The following TOMM22 variants were observed in gnomAD, a reference collection of about 807,000 sequenced individuals.
The protein encoded by TOMM22 is translocase of outer mitochondrial membrane 22.
A neutral mutation model predicts 17.1 loss-of-function variants in TOMM22; 3 were observed. The ratio of observed to expected loss-of-function variants is 0.18; its 90% CI spans 0.08 to 0.45. TOMM22 has a LOEUF of 0.45. Among genes scored for constraint, TOMM22 ranks in the 20% least tolerant of loss-of-function variants. TOMM22 has a pLI of 0.99. For missense variants in TOMM22, 159 were observed against 179.5 expected (o/e 0.89, Z 0.65); for synonymous variants, 91 against 74.0 (o/e 1.23, Z -1.18).
At chr22:38,682,237 G>A in intron 1 of TOMM22, 86 bp from the exon 2 acceptor site, 1 of 1,532,502 alleles carries the variant, frequency 6.5e-7, no homozygotes. Context: ...CCTAGCTCCA[G>A]TGGGGCTCGG....
At chr22:38,683,204 T>C (rs1276950187) in intron 3 of TOMM22, among the ~76,000 whole-genome samples, 2 of 151,912 alleles carry the variant, frequency 1.3e-5, no homozygotes, top group Non-Finnish European at 2.9e-5. Context: ...TTTCTATTAT[T>C]ACATTGTAAT....
chr22:38,682,309 C>T lies in TOMM22; in HGVS notation c.118-14C>T. 6.2e-7 allele frequency: 1 copy of T among 1,611,526 alleles called. No homozygotes were observed. Among genetic ancestry groups the T allele is most frequent in the Non-Finnish European group, 8.5e-7 (1 of 1,177,804 alleles). On this transcript the variant is annotated splice_polypyrimidine_tract_variant and intron_variant, in intron 1 of 3. Transcript: ENST00000216034. ...TCGCTTTTTCGGCTAAGACCCGCGT[C>T]TACTCCACCACAGCTAGATGAGACC...
chr22:38,684,498 A>C lies in TOMM22; in HGVS notation c.*657A>C, dbSNP rs961635849. On this transcript the variant is annotated 3_prime_UTR_variant, in exon 4 of 4. Coordinates refer to ENST00000216034, the MANE Select transcript of TOMM22 (RefSeq NM_020243.5). ...TGATTCCAACTGAAAGTGTCATCCT[A>C]AGTACCTTGAAATGAGACCACGTCA... is the stretch of plus-strand genomic sequence containing the variant. The C allele has an allele frequency of 6.6e-6, 1 of 152,164 alleles. No individual in the cohort carries two copies. Among genetic ancestry groups the C allele is most frequent in the Non-Finnish European group, 1.5e-5 (1 of 68,064 alleles). 9.4% of individuals were successfully genotyped at this position (152,164 alleles called of 1,614,324 possible).
At position 38,684,463 on chromosome 22, in the gene TOMM22, A is replaced by G. The variant is rs2092489938; in HGVS notation, c.*622A>G. 1 of 152,158 alleles carries G rather than the reference A, an allele frequency of 6.6e-6. No individual in the cohort carries two copies. The highest frequency in any genetic ancestry group is 2.4e-5 in the African/African-American group (1 of 41,400). 9.4% of individuals were successfully genotyped at this position (152,158 alleles called of 1,614,324 possible). ...GTCAGTGCTCACTTTTTGTATTTAA[A>G]TATTAAAAATGATTCCAACTGAAAG... On this transcript the variant is annotated 3_prime_UTR_variant, in exon 4 of 4. Coordinates refer to ENST00000216034, the MANE Select transcript of TOMM22 (RefSeq NM_020243.5).
Position 38,683,026 on chromosome 22 carries a change from T to C in TOMM22, c.354+30T>C, listed in dbSNP as rs779434642. The C allele has an allele frequency of 1.6e-5, 25 of 1,592,676 alleles. No individual in the cohort carries two copies. In the Admixed American group the frequency reaches 3.4e-4, roughly 22 times the overall value. Reference sequence around the variant, plus strand: ...GCCCAGACCTTGGGCTTTTTGCCAGTGGTGGAGACGCAAGTTATTTCACTA... The same window carrying C: ...GCCCAGACCTTGGGCTTTTTGCCAGCGGTGGAGACGCAAGTTATTTCACTA... On this transcript the variant is annotated intron_variant, in intron 3 of 3. Coordinates refer to ENST00000216034, the MANE Select transcript of TOMM22 (RefSeq NM_020243.5).
chr22:38,684,061 C>G lies in TOMM22; in HGVS notation c.*220C>G. 1 of 517,134 alleles carries G rather than the reference C, an allele frequency of 1.9e-6. No individual in the cohort carries two copies. The highest frequency in any genetic ancestry group is 3.5e-6 in the Non-Finnish European group (1 of 285,428). 32.0% of individuals were successfully genotyped at this position (517,134 alleles called of 1,614,324 possible). ...CTGTCTCCACTCTGATACCAGAGTG[C>G]AGCCATGCAGATGGTTATTCCAGCT... On this transcript the variant is annotated 3_prime_UTR_variant, in exon 4 of 4. Coordinates refer to ENST00000216034, the MANE Select transcript of TOMM22 (RefSeq NM_020243.5).
At chr22:38,682,501 G>A in intron 2 of TOMM22, 60 bp downstream of exon 2, 1 of 1,493,728 alleles carries the variant, frequency 6.7e-7, no homozygotes, top group Non-Finnish European at 9.3e-7. Flanking sequence ...TGCTGTGAAA[G>A]AACACGGGGT....
At position 38,681,990 on chromosome 22, in the gene TOMM22, C is replaced by CGTCGCTGCTGCCGGT; in HGVS notation, c.14_28dup (p.Val5_Gly9dup). 1 of 1,610,856 alleles carries CGTCGCTGCTGCCGGT rather than the reference C, an allele frequency of 6.2e-7. No homozygotes were observed. Among genetic ancestry groups the CGTCGCTGCTGCCGGT allele is most frequent in the Non-Finnish European group, 8.5e-7 (1 of 1,179,054 alleles). ...TGTCCCCTACAGTCATGGCTGCCGCCGTCGCTGCTGCCGGTGCAGGGGAAC... is the reference window on the plus strand; with the variant it reads ...TGTCCCCTACAGTCATGGCTGCCGCCGTCGCTGCTGCCGGTGTCGCTGCTGCCGGTGCAGGGGAAC... On this transcript the variant is annotated inframe_insertion, in exon 1 of 4. Transcript: ENST00000216034.
rs748499278 is a variant in TOMM22, at chr22:38,682,457, A to G, written c.236+16A>G. On this transcript the variant is annotated intron_variant, in intron 2 of 3. Transcript: ENST00000216034. Reference sequence around the variant, plus strand: ...AAATGTACAGGTAAGGAACGAGGGCAAAGGCACTGGGTACGTGCATGGGAT... The same window carrying G: ...AAATGTACAGGTAAGGAACGAGGGCGAAGGCACTGGGTACGTGCATGGGAT... The G allele has an allele frequency of 6.2e-7, 1 of 1,607,784 alleles. No individual in the cohort carries two copies. The highest frequency in any genetic ancestry group is 8.5e-7 in the Non-Finnish European group (1 of 1,174,210).
intron 3 of TOMM22, among the ~76,000 whole-genome samples, 172 bp downstream of exon 3, chr22:38,683,168 G>T: frequency 6.7e-6 from 1 of 150,012 alleles, no homozygotes; most frequent in African/African-American, 2.5e-5. Flanking sequence ...GATGATTCAA[G>T]TGCATTACAT....
rs2092487284 is a variant in TOMM22, at chr22:38,683,808, A to G, written c.396A>G (p.Pro132=). ...ACACAGGGCTCTCAGGAGGAATGCC[A>G]GGGGCTCTACCCTCACTTCCTGGAA... ...GPNTGLSGGM[P]GALPSLPGKI The change falls in exon 4 of 4, where the codon CCA becomes CCG. Residue 132 remains proline (P), a synonymous_variant. Transcript: ENST00000216034. The G allele has an allele frequency of 6.2e-7, 1 of 1,614,046 alleles. No homozygotes were observed. The highest frequency in any genetic ancestry group is 2.2e-5 in the East Asian group (1 of 44,880).
Position 38,683,962 on chromosome 22 carries a change from T to G in TOMM22, c.*121T>G. ...GGCACATTGATCTATCTAAACCTGG[T>G]GGGGAGAATTATCCCCACATTGTCT... On this transcript the variant is annotated 3_prime_UTR_variant, in exon 4 of 4. Transcript: ENST00000216034. The G allele has an allele frequency of 7.8e-6, 6 of 768,976 alleles. No individual in the cohort carries two copies. The highest frequency in any genetic ancestry group is 1.1e-5 in the Non-Finnish European group (5 of 471,878). The allele number at this position is 768,976 out of a possible 1,614,324, so 47.6% of individuals were successfully genotyped here.
chr22:38,683,138 GGGT>G, intron 3 of TOMM22, 142 bp downstream of exon 3: 1 of 485,838 alleles, frequency 2.1e-6, no homozygotes, highest in Admixed American at 3.5e-5. Flanking sequence ...GGGTGGCCGG[GGGT>G]CGGGGGGGGG....
Position 38,683,915 on chromosome 22 carries a change from A to ATTT in TOMM22, c.*87_*89dup. 1.2e-5 allele frequency: 13 copies of ATTT among 1,075,562 alleles called. No individual in the cohort carries two copies. Among genetic ancestry groups the ATTT allele is most frequent in the Non-Finnish European group, 1.6e-5 (12 of 742,716 alleles). 66.6% of individuals were successfully genotyped at this position (1,075,562 alleles called of 1,614,324 possible). ...AGTGTTTGAACTGCTGATAATTTGG[A>ATTT]TTTTTTTTTTTTTTTAACTTTGGCA... On this transcript the variant is annotated 3_prime_UTR_variant, in exon 4 of 4. Coordinates refer to ENST00000216034, the MANE Select transcript of TOMM22 (RefSeq NM_020243.5).
At chr22:38,682,230 A>C in intron 1 of TOMM22, 93 bp from the exon 2 acceptor site, 1 of 1,514,082 alleles carries the variant, frequency 6.6e-7, no homozygotes, top group South Asian at 1.1e-5. Context: ...TGGGTGCCCT[A>C]GCTCCAGTGG....
In TOMM22 at chr22:38,682,191, G is replaced by T. The variant is rs999246746; in HGVS notation, c.117+96G>T. The T allele has an allele frequency of 4.0e-6, 6 of 1,501,958 alleles. No homozygotes were observed. The Admixed American group carries it at 1.2e-4, about 30-fold the overall frequency. 93.0% of individuals were successfully genotyped at this position (1,501,958 alleles called of 1,614,324 possible). ...GATCGGAGCGAAGCGGCTGCTTTGG[G>T]AGGCGGGGTTAGGGGCCCTGCTGGG... is the stretch of plus-strand genomic sequence containing the variant. On this transcript the variant is annotated intron_variant, in intron 1 of 3. Coordinates refer to ENST00000216034, the MANE Select transcript of TOMM22 (RefSeq NM_020243.5).
intron 1 of TOMM22, 87 bp downstream of exon 1, chr22:38,682,182 C>T: frequency 6.6e-7 from 1 of 1,507,662 alleles, no homozygotes; most frequent in Non-Finnish European, 9.0e-7. Context: ...AGCGAAGCGG[C>T]TGCTTTGGGA....
In TOMM22 at chr22:38,684,956, A is replaced by AT; in HGVS notation, c.*1120dup. ...CCACCGTGCCCAGCTAGTTTCTTTT[A>AT]TTTTTGGTAGAGTCAGGGTTTCGCC... On this transcript the variant is annotated 3_prime_UTR_variant, in exon 4 of 4. Transcript: ENST00000216034. 6.6e-6 allele frequency: 1 copy of AT among 151,624 alleles called. No individual in the cohort carries two copies. The allele number at this position is 151,624 out of a possible 1,614,324, so 9.4% of individuals were successfully genotyped here.
In TOMM22 at chr22:38,684,197, AC is replaced by A; in HGVS notation, c.*357del. On this transcript the variant is annotated 3_prime_UTR_variant, in exon 4 of 4. Transcript: ENST00000216034. Reference sequence around the variant, plus strand: ...AGGGATGTGCCCCTGACCATTAACGACTGTTTTTTTTTTTTTTTTTTAAAGA... The same window carrying A: ...AGGGATGTGCCCCTGACCATTAACGATGTTTTTTTTTTTTTTTTTTAAAGA... 1 of 199,278 alleles carries A rather than the reference AC, an allele frequency of 5.0e-6. No homozygotes were observed. The highest frequency in any genetic ancestry group is 2.5e-5 in the African/African-American group (1 of 39,506). The allele number at this position is 199,278 out of a possible 1,614,324, so 12.3% of individuals were successfully genotyped here. A position where few individuals can be genotyped will look rare whatever the true frequency, so the allele number is the denominator to read the frequency against.
Sources: gnomAD v4.1 joint callset for allele counts (sites outside exome capture counted in the v4.1 genomes callset) on GRCh38, gnomAD v4.1.1 for gene constraint, MANE v1.5 for transcripts, NCBI Gene and HGNC (gene_info 2026-07-23, HGNC 2026-07-21) for gene names.